TUBB8B: variants seen among roughly 807,000 people sequenced by gnomAD.
The protein encoded by TUBB8B is tubulin beta 8B, also known as HSA18p11 beta-tubulin 4Q pseudogene.
Under a neutral mutation model 31.9 loss-of-function variants are expected in TUBB8B, and 26 were observed. The observed-to-expected ratio is 0.81, with a 90% confidence interval of 0.60 to 1.13. The LOEUF (loss-of-function observed/expected upper bound fraction) is 1.13. TUBB8B is among the 50% of genes most tolerant of loss of function. The pLI, the probability that TUBB8B is intolerant of heterozygous loss-of-function variation, is 0.00. For synonymous variants in TUBB8B, 173 were observed against 231.0 expected (o/e 0.75, Z 2.28); for missense variants, 467 against 586.7 (o/e 0.80, Z 2.11).
rs886939549 is a variant in TUBB8B at position 49,440 on chromosome 18, C to T, written c.57+61G>A. The T allele has an allele frequency of 1.3e-5, 12 of 928,384 alleles. No homozygotes were observed. The African/African-American group carries it at 1.5e-4, about 11-fold the overall frequency. 57.5% of individuals were successfully genotyped at this position (928,384 alleles called of 1,614,324 possible). A position where few individuals can be genotyped will look rare whatever the true frequency, so the allele number is the denominator to read the frequency against. ...GCAGGGGCACCGCTCCCGCCACTGCCAACATCTTCCCCAGCCACCCGGCAG... is the reference window on the plus strand; with the variant it reads ...GCAGGGGCACCGCTCCCGCCACTGCTAACATCTTCCCCAGCCACCCGGCAG... On this transcript the variant is annotated intron_variant, in intron 1 of 3. Transcript: ENST00000308911.
upstream of TUBB8B, among the ~76,000 whole-genome samples, chr18:52,211 G>T (rs144613427): frequency 5.3e-5 from 8 of 151,920 alleles, no homozygotes; most frequent in African/African-American, 1.9e-4. Context: ...AAGGCTAAAA[G>T]TCAGAGGATT....
chr18:73,371 C>T, the TUBB8B span: 2 of 165,956 alleles, frequency 1.2e-5, no homozygotes. Flanking sequence ...GTCCTCACAG[C>T]GGACGCGGCC....
At chr18:51,436 GTTTA>G (rs1483669387), upstream of TUBB8B, among the ~76,000 whole-genome samples, 25 of 151,680 alleles carry the variant, frequency 1.6e-4, 1 homozygote, top group Non-Finnish European at 1.3e-4. Flanking sequence ...AGATCTGATG[GTTTA>G]TTTATTAATT....
At chr18:51,251 G>A (rs949440027), upstream of TUBB8B, among the ~76,000 whole-genome samples, 1 of 151,890 alleles carries the variant, frequency 6.6e-6, no homozygotes, top group African/African-American at 2.4e-5. Flanking sequence ...TGGCCTGCTA[G>A]AATCAATTTG....
the TUBB8B span, among the ~76,000 whole-genome samples, chr18:71,569 TAAAAAAA>T: frequency 2.3e-4 from 13 of 57,606 alleles, no homozygotes; most frequent in Admixed American, 6.7e-4. Flanking sequence ...AAAAAAAATT[TAAAAAAA>T]AAAAAAAAAA....
upstream of TUBB8B, among the ~76,000 whole-genome samples, chr18:51,858 CTCTT>C (rs922289396): frequency 1.3e-5 from 2 of 151,838 alleles, no homozygotes; most frequent in Admixed American, 6.6e-5. Context: ...TCAATTAAAC[CTCTT>C]TTTTTATAAA....
chr18:49,758 G>C (rs747390567), upstream of TUBB8B: 37 of 676,684 alleles, frequency 5.5e-5, no homozygotes, highest in Non-Finnish European at 8.7e-5. Flanking sequence ...ACGTCTGTTG[G>C]AGAACTCAGG....
chr18:54,611 A>T (rs1906226059), upstream of TUBB8B, among the ~76,000 whole-genome samples: 1 of 151,930 alleles, frequency 6.6e-6, no homozygotes, highest in Admixed American at 6.6e-5. Context: ...GCACCCACAA[A>T]TAAGTGAGGA....
the TUBB8B span, among the ~76,000 whole-genome samples, chr18:64,563 TA>T: frequency 0.012 from 1,670 of 143,662 alleles, 23 homozygotes; most frequent in African/African-American, 0.031. Context: ...CATCTCCACT[TA>T]AAAAAAAAAA....
chr18:69,784 G>C, the TUBB8B span, among the ~76,000 whole-genome samples: 1 of 152,210 alleles, frequency 6.6e-6, no homozygotes, highest in African/African-American at 2.4e-5. Flanking sequence ...AAATATTATT[G>C]ATGGAAACAA....
chr18:61,511 C>A, the TUBB8B span, among the ~76,000 whole-genome samples: 1 of 151,118 alleles, frequency 6.6e-6, no homozygotes, highest in Admixed American at 6.6e-5. Flanking sequence ...TGATTTTTGT[C>A]CTCTCATTGT....
At chr18:49,729 G>A, upstream of TUBB8B, 1 of 693,780 alleles carries the variant, frequency 1.4e-6, no homozygotes, top group Non-Finnish European at 2.7e-6. Flanking sequence ...GCACCCACCT[G>A]TGAATCCCTT....
chr18:64,130 T>A, the TUBB8B span, among the ~76,000 whole-genome samples: 1 of 151,292 alleles, frequency 6.6e-6, no homozygotes, highest in South Asian at 2.1e-4. Context: ...ACACTAACCA[T>A]CTAACCCTTC....
At chr18:68,921 T>A in the TUBB8B span, among the ~76,000 whole-genome samples, 1 of 152,188 alleles carries the variant, frequency 6.6e-6, no homozygotes, top group South Asian at 2.1e-4. Context: ...ATTCACCCAA[T>A]GTCCACCCTT....
chr18:65,459 A>T, the TUBB8B span, among the ~76,000 whole-genome samples: 1 of 152,198 alleles, frequency 6.6e-6, no homozygotes, highest in South Asian at 2.1e-4. Flanking sequence ...TCAAATAAAC[A>T]GAATAAAGAA....
In TUBB8B at chr18:48,959, C is replaced by T. The variant is rs749606114; in HGVS notation, c.258G>A (p.Arg86=). ...VHSGPFGQVF[R]PDNFISGQCG... ...GCTCACCGGAAATGAAGTTGTCTGGCCTGAAGACCTGCCCGAAGGGCCCCG... is the reference window on the plus strand; with the variant it reads ...GCTCACCGGAAATGAAGTTGTCTGGTCTGAAGACCTGCCCGAAGGGCCCCG... Residue 86 remains arginine (R), a synonymous_variant, in exon 3 of 4, where the codon AGG becomes AGA. Transcript: ENST00000308911. 2 of 1,603,476 alleles carry T rather than the reference C, an allele frequency of 1.2e-6. No homozygotes were observed. The highest frequency in any genetic ancestry group is 2.7e-5 in the African/African-American group (2 of 74,688).
the TUBB8B span, among the ~76,000 whole-genome samples, chr18:59,705 G>A: frequency 6.0e-3 from 913 of 151,412 alleles, 22 homozygotes; most frequent in Non-Finnish European, 0.01. Flanking sequence ...CACTCCACCT[G>A]GCTAATTTTT....
the TUBB8B span, among the ~76,000 whole-genome samples, chr18:58,211 G>A: frequency 6.6e-6 from 1 of 150,498 alleles, no homozygotes; most frequent in East Asian, 2.0e-4. Flanking sequence ...TCCACAGGCT[G>A]CTCGAGTTCC....
the TUBB8B span, among the ~76,000 whole-genome samples, chr18:61,121 T>A: frequency 7.9e-5 from 12 of 151,722 alleles, no homozygotes; most frequent in Admixed American, 3.9e-4. Flanking sequence ...GCTTCATTTA[T>A]CTAGGTGCTT....
Sources: allele counts gnomAD v4.1 joint callset (sites outside exome capture counted in the v4.1 genomes callset), GRCh38; gene constraint gnomAD v4.1.1; transcripts MANE v1.5; gene names NCBI Gene and HGNC (gene_info 2026-07-23, HGNC 2026-07-21).